The following DDX4 variants were observed in gnomAD, a reference collection of about 807,000 sequenced individuals.
DDX4 encodes the protein DEAD-box helicase 4.
In DDX4, 25 loss-of-function variants were observed where a neutral mutation model predicts 100.0. That is an observed-to-expected ratio of 0.25 (90% CI 0.18 to 0.35). DDX4 has a LOEUF of 0.35. Among genes scored for constraint, DDX4 ranks in the 10% least tolerant of loss-of-function variants. The pLI is 1.00. For missense variants in DDX4, 635 were observed against 882.4 expected, an observed-to-expected ratio of 0.72 and a Z score of 3.55; for synonymous variants, 259 against 275.7, an observed-to-expected ratio of 0.94 and a Z score of 0.60.
intron 21 of DDX4, among the ~76,000 whole-genome samples, chr5:55,815,774 CTTT>C (rs67244556): frequency 4.4e-5 from 6 of 135,970 alleles, no homozygotes; most frequent in Admixed American, 7.4e-5. Flanking sequence ...TTTTTCTTTT[CTTT>C]TTTTTTTTTT....
intron 17 of DDX4, among the ~76,000 whole-genome samples, chr5:55,794,619 G>GT (rs1460812151): frequency 6.6e-6 from 1 of 151,958 alleles, no homozygotes; most frequent in Non-Finnish European, 1.5e-5. Context: ...GTATTTGTAT[G>GT]TTGGCCACCC....
chr5:55,795,736 C>T (rs1381496192), intron 17 of DDX4, among the ~76,000 whole-genome samples: 1 of 152,162 alleles, frequency 6.6e-6, no homozygotes, highest in African/African-American at 2.4e-5. Context: ...TTGTGTGCCC[C>T]TGTACTCTGG....
chr5:55,747,977 A>G (rs1759333609), intron 3 of DDX4, among the ~76,000 whole-genome samples: 1 of 152,236 alleles, frequency 6.6e-6, no homozygotes, highest in African/African-American at 2.4e-5. Flanking sequence ...TATGGTGGAA[A>G]ACACCCATGG....
chr5:55,779,956 CATT>C lies in DDX4; in HGVS notation c.395-5_395-3del. The C allele has an allele frequency of 6.2e-7, 1 of 1,612,568 alleles. No homozygotes were observed. The highest frequency in any genetic ancestry group is 8.5e-7 in the Non-Finnish European group (1 of 1,179,356). ...TGTGTTGTTCTTGTGTGTGTTTTAA[CATT>C]ATAGGCTATCGAGATGGAAATAATT... On this transcript the variant is annotated splice_region_variant and splice_polypyrimidine_tract_variant and intron_variant, in intron 7 of 21. Transcript: ENST00000505374.
At chr5:55,739,878 A>C (rs1758881223) in intron 2 of DDX4, among the ~76,000 whole-genome samples, 1 of 152,162 alleles carries the variant, frequency 6.6e-6, no homozygotes, top group Non-Finnish European at 1.5e-5. Flanking sequence ...GAACTTTTTA[A>C]AAGAAATAAC....
chr5:55,754,698 A>AG (rs1390362281), intron 3 of DDX4, among the ~76,000 whole-genome samples: 2 of 151,212 alleles, frequency 1.3e-5, no homozygotes, highest in East Asian at 3.9e-4. Flanking sequence ...AAAATGAGTT[A>AG]GGGAGGATTC....
chr5:55,763,046 G>A (rs987783923), intron 4 of DDX4, 129 bp from the exon 5 acceptor site: 7 of 565,128 alleles, frequency 1.2e-5, no homozygotes, highest in African/African-American at 1.9e-5. Flanking sequence ...ATTAATTTTA[G>A]GTTTCTGTGC....
intron 17 of DDX4, 104 bp from the exon 18 acceptor site, chr5:55,798,322 T>G (rs1743089530): frequency 1.7e-6 from 2 of 1,176,728 alleles, no homozygotes; most frequent in Admixed American, 2.4e-5. Flanking sequence ...TGTTATAATC[T>G]GCTGTCTGAT....
chr5:55,788,711 T>G lies in DDX4; in HGVS notation c.1172+711T>G. On this transcript the variant is annotated intron_variant, in intron 15 of 21. Coordinates refer to ENST00000505374, the MANE Select transcript of DDX4 (RefSeq NM_024415.3). The stretch of plus-strand genomic sequence containing the variant: ...TTTTATTTCTCTGTTCTGAGGTATT[T>G]AGGTTCTTTCTAACTTGGGGCTATT... Among the ~76,000 whole-genome samples the G allele has an allele frequency of 1.3e-5, 2 of 152,204 alleles. 1 individual carries two copies. Among genetic ancestry groups the G allele is most frequent in the Non-Finnish European group, 2.9e-5 (2 of 68,036 alleles).
intron 8 of DDX4, among the ~76,000 whole-genome samples, chr5:55,780,859 G>C (rs944199743): frequency 1.3e-5 from 2 of 152,142 alleles, no homozygotes; most frequent in African/African-American, 4.8e-5. Context: ...GAATTCCTTT[G>C]CACAATACTT....
At chr5:55,769,170 A>T (rs1342815627) in intron 7 of DDX4, among the ~76,000 whole-genome samples, 1 of 152,080 alleles carries the variant, frequency 6.6e-6, no homozygotes, top group Non-Finnish European at 1.5e-5. Flanking sequence ...GGCTTTTGGC[A>T]TCTTCATCAC....
chr5:55,738,140 C>G (rs1212842946), intron 1 of DDX4, 39 bp downstream of exon 1: 1 of 152,284 alleles, frequency 6.6e-6, no homozygotes, highest in Non-Finnish European at 1.5e-5. Context: ...GGCCTGAACT[C>G]GGCCGTACGG....
At chr5:55,793,441 T>G (rs935186659) in intron 17 of DDX4, among the ~76,000 whole-genome samples, 6 of 152,216 alleles carry the variant, frequency 3.9e-5, no homozygotes, top group Non-Finnish European at 8.8e-5. Context: ...ATTAATTGCA[T>G]TTTTGACTTA....
At chr5:55,741,079 A>T (rs1758953745) in intron 2 of DDX4, among the ~76,000 whole-genome samples, 2 of 152,200 alleles carry the variant, frequency 1.3e-5, no homozygotes, top group South Asian at 4.1e-4. Context: ...TAGATACTTT[A>T]TTCCCCCTGG....
At chr5:55,799,117 T>C (rs1177853503) in intron 18 of DDX4, among the ~76,000 whole-genome samples, 2 of 152,186 alleles carry the variant, frequency 1.3e-5, no homozygotes, top group Non-Finnish European at 2.9e-5. Flanking sequence ...TTGCTCGGCC[T>C]GAAATAATTG....
intron 19 of DDX4, among the ~76,000 whole-genome samples, chr5:55,814,353 A>ATAT (rs947402190): frequency 6.6e-6 from 1 of 152,220 alleles, no homozygotes; most frequent in Non-Finnish European, 1.5e-5. Flanking sequence ...CTGTCTCTAC[A>ATAT]TATTAGCTGT....
chr5:55,767,489 A>C (rs1447871471), intron 6 of DDX4, among the ~76,000 whole-genome samples: 1 of 152,190 alleles, frequency 6.6e-6, no homozygotes, highest in Non-Finnish European at 1.5e-5. Context: ...TAAATAGAAG[A>C]GTCTAGTGGT....
At chr5:55,779,724 A>AT (rs1222251181) in intron 7 of DDX4, among the ~76,000 whole-genome samples, 4 of 152,102 alleles carry the variant, frequency 2.6e-5, no homozygotes, top group Non-Finnish European at 5.9e-5. Flanking sequence ...CCTTTAGGTG[A>AT]TTTTTAGACT....
At chr5:55,810,732 C>T (rs192627998) in intron 18 of DDX4, among the ~76,000 whole-genome samples, 68 of 152,100 alleles carry the variant, frequency 4.5e-4, no homozygotes, top group Non-Finnish European at 8.2e-4. Context: ...TGTGCTTTTC[C>T]TGGGGCTCTC....
Sources: gnomAD v4.1 joint callset for allele counts (sites outside exome capture counted in the v4.1 genomes callset) on GRCh38, gnomAD v4.1.1 for gene constraint, MANE v1.5 for transcripts, NCBI Gene and HGNC (gene_info 2026-07-23, HGNC 2026-07-21) for gene names.